The following CSMD1 variants were observed in gnomAD, a reference collection of about 807,000 sequenced individuals.
CSMD1 encodes CUB and Sushi multiple domains 1.
Under a neutral mutation model 417.5 loss-of-function variants are expected in CSMD1, and 213 were observed. The observed-to-expected ratio is 0.51, with a 90% confidence interval of 0.46 to 0.57. CSMD1 has a LOEUF of 0.57. Ranked by LOEUF, CSMD1 falls within the 20% of genes least tolerant of loss-of-function variation. The probability of loss-of-function intolerance (pLI) is 0.00; values close to 1 mark genes in which losing one functional copy is unlikely to be tolerated. For missense variants in CSMD1, 6,923 were observed against 4,529.7 expected, an observed-to-expected ratio of 1.53 and a Z score of -15.17; for synonymous variants, 2,862 against 1,736.8, an observed-to-expected ratio of 1.65 and a Z score of -16.11.
At chr8:3,706,417 T>G (rs1347525673) in intron 7 of CSMD1, among the ~76,000 whole-genome samples, 1 of 152,202 alleles carries the variant, frequency 6.6e-6, no homozygotes, top group Non-Finnish European at 1.5e-5. Flanking sequence ...ACATTACCAT[T>G]GATTACCTTC....
At chr8:4,470,627 G>C (rs1347840398) in intron 2 of CSMD1, among the ~76,000 whole-genome samples, 1 of 152,190 alleles carries the variant, frequency 6.6e-6, no homozygotes, top group African/African-American at 2.4e-5. Flanking sequence ...TGGCTTTCCT[G>C]TACGTTAACC....
chr8:4,037,211 T>C (rs1797668325), intron 3 of CSMD1, among the ~76,000 whole-genome samples: 2 of 152,250 alleles, frequency 1.3e-5, no homozygotes, highest in Admixed American at 1.3e-4. Flanking sequence ...TAGAATTTTG[T>C]AGATGTTTTC....
intron 10 of CSMD1, among the ~76,000 whole-genome samples, chr8:3,545,128 C>G (rs1191013479): frequency 1.3e-5 from 2 of 152,276 alleles, no homozygotes; most frequent in African/African-American, 2.4e-5. Context: ...GATCGTCTCT[C>G]TCTTTCTCCG....
At chr8:4,905,482 A>T (rs939203105) in intron 1 of CSMD1, among the ~76,000 whole-genome samples, 6 of 152,156 alleles carry the variant, frequency 3.9e-5, no homozygotes, top group African/African-American at 1.2e-4. Flanking sequence ...AAAACAGGAC[A>T]CACATTATTT....
intron 5 of CSMD1, among the ~76,000 whole-genome samples, chr8:3,800,830 C>A (rs1337117886): frequency 6.6e-6 from 1 of 152,060 alleles, no homozygotes; most frequent in South Asian, 2.1e-4. Context: ...CCTTCTTCAT[C>A]ATGTTTTGAC....
chr8:3,358,670 T>G (rs1248236461), intron 21 of CSMD1, among the ~76,000 whole-genome samples: 1 of 152,180 alleles, frequency 6.6e-6, no homozygotes, highest in African/African-American at 2.4e-5. Context: ...ATGCCTCTTG[T>G]GCCCACTTAG....
intron 6 of CSMD1, among the ~76,000 whole-genome samples, chr8:3,736,303 G>C (rs756009216): frequency 6.6e-6 from 1 of 151,936 alleles, no homozygotes. Flanking sequence ...GTGCAGTGGG[G>C]CAATCACGAC....
Position 4,143,957 on chromosome 8 carries a change from G to C in CSMD1, c.416-111858C>G, listed in dbSNP as rs77418992. Among the ~76,000 whole-genome samples, 1,009 of 151,366 alleles carry C rather than the reference G, an allele frequency of 6.7e-3. 74 individuals are homozygous for C. Among genetic ancestry groups the C allele is most frequent in the African/African-American group, 0.024 (963 of 40,666 alleles). On this transcript the variant is annotated intron_variant, in intron 3 of 69. Transcript: ENST00000635120. ...CAGATGAAGGGATGGCCAGTGCTTG[G>C]CCCATAGCCAATCCAAGGCACTCTC...
intron 5 of CSMD1, among the ~76,000 whole-genome samples, chr8:3,864,473 CTTTT>C (rs549881857): frequency 6.6e-6 from 1 of 152,092 alleles, no homozygotes; most frequent in Non-Finnish European, 1.5e-5. Context: ...GAGGAAGACA[CTTTT>C]TTTATTATAC....
intron 5 of CSMD1, among the ~76,000 whole-genome samples, chr8:3,934,781 A>G (rs956493272): frequency 2.0e-5 from 3 of 152,150 alleles, no homozygotes; most frequent in Non-Finnish European, 2.9e-5. Flanking sequence ...TGGGAAGCAG[A>G]GGTTACAGTG....
At chr8:4,357,414 G>A (rs1167010477) in intron 3 of CSMD1, among the ~76,000 whole-genome samples, 5 of 151,950 alleles carry the variant, frequency 3.3e-5, no homozygotes, top group Admixed American at 6.6e-5. Context: ...TTACTCCAAG[G>A]CCAGAAATAT....
chr8:4,317,314 C>A (rs561415124), intron 3 of CSMD1, among the ~76,000 whole-genome samples: 17 of 152,202 alleles, frequency 1.1e-4, no homozygotes, highest in Non-Finnish European at 2.5e-4. Flanking sequence ...AAATTTCCTG[C>A]TTGCTAACGT....
intron 3 of CSMD1, among the ~76,000 whole-genome samples, chr8:4,134,887 G>A (rs1348694441): frequency 6.6e-6 from 1 of 152,134 alleles, no homozygotes; most frequent in Non-Finnish European, 1.5e-5. Flanking sequence ...TACACAAATT[G>A]CTCGGAAGGC....
chr8:3,360,109 G>C (rs1025846143), intron 20 of CSMD1, among the ~76,000 whole-genome samples: 2 of 152,158 alleles, frequency 1.3e-5, no homozygotes, highest in South Asian at 2.1e-4. Context: ...TTTGCCTCTA[G>C]AATATACCTC....
At chr8:3,580,539 G>T (rs1380152445) in intron 9 of CSMD1, among the ~76,000 whole-genome samples, 1 of 152,122 alleles carries the variant, frequency 6.6e-6, no homozygotes, top group Non-Finnish European at 1.5e-5. Flanking sequence ...TATGAGAGTA[G>T]TATAAGATAC....
intron 12 of CSMD1, among the ~76,000 whole-genome samples, chr8:3,466,301 C>T (rs1816787907): frequency 6.6e-6 from 1 of 151,974 alleles, no homozygotes; most frequent in Non-Finnish European, 1.5e-5. Context: ...CAGGGGAGTA[C>T]AGCTCCAGAG....
At chr8:3,153,996 T>G (rs558584331) in intron 39 of CSMD1, among the ~76,000 whole-genome samples, 1 of 152,326 alleles carries the variant, frequency 6.6e-6, no homozygotes, top group African/African-American at 2.4e-5. Context: ...AGACAGAGTC[T>G]TGCCCTGTCA....
intron 11 of CSMD1, among the ~76,000 whole-genome samples, chr8:3,471,562 C>A (rs1157050263): frequency 7.1e-6 from 1 of 141,296 alleles, no homozygotes; most frequent in East Asian, 2.1e-4. Flanking sequence ...CTCTCCCTCC[C>A]TCCTTCCTTC....
intron 4 of CSMD1, among the ~76,000 whole-genome samples, chr8:4,028,047 G>C (rs183880787): frequency 1.3e-5 from 2 of 152,222 alleles, no homozygotes; most frequent in East Asian, 1.9e-4. Context: ...TTTAGGTTTT[G>C]AGGCCACCAC....
Sources: allele counts gnomAD v4.1 joint callset (sites outside exome capture counted in the v4.1 genomes callset), GRCh38; gene constraint gnomAD v4.1.1; transcripts MANE v1.5; gene names NCBI Gene and HGNC (gene_info 2026-07-23, HGNC 2026-07-21).